Variants in TRIB2 observed in about 807,000 individuals in gnomAD.
The protein encoded by TRIB2 is tribbles homolog 2.
A neutral mutation model predicts 26.8 loss-of-function variants in TRIB2; 2 were observed. The ratio of observed to expected loss-of-function variants is 0.07; its 90% CI spans 0.03 to 0.24. The LOEUF (loss-of-function observed/expected upper bound fraction) is 0.24. Ranked by LOEUF, TRIB2 falls within the 10% of genes least tolerant of loss-of-function variation. The pLI is 1.00. For missense variants in TRIB2, 306 were observed against 449.0 expected, an observed-to-expected ratio of 0.68 and a Z score of 2.88; for synonymous variants, 189 against 187.3, an observed-to-expected ratio of 1.01 and a Z score of -0.08.
Position 12,723,350 on chromosome 2 carries a change from C to T in TRIB2, c.361C>T (p.Leu121=). The change falls in exon 2 of 3, where the codon CTG becomes TTG. Residue 121 remains leucine, a synonymous_variant. Transcript: ENST00000155926. ...CATCAACCAAATCACTGAAATTATC[C>T]TGGGTGAGACCAAAGCCTATGTGTT... is the stretch of plus-strand genomic sequence containing the variant. The part of the protein sequence containing the change: ...SNINQITEII[L]GETKAYVFFE... The T allele has an allele frequency of 6.2e-7, 1 of 1,614,232 alleles. No individual in the cohort carries two copies.
At chr2:12,723,860 C>A (rs1019641296) in intron 2 of TRIB2, among the ~76,000 whole-genome samples, 1 of 152,120 alleles carries the variant, frequency 6.6e-6, no homozygotes, top group Admixed American at 6.5e-5. Flanking sequence ...ATTTTCAATG[C>A]CAGTAAAGGC....
Position 12,734,970 on chromosome 2 carries a change from C to T in TRIB2, c.564-5356C>T, listed in dbSNP as rs80257530. Among the ~76,000 whole-genome samples the T allele has an allele frequency of 3.3e-3, 499 of 152,292 alleles. 5 individuals carry two copies. The highest frequency in any genetic ancestry group is 0.012 in the African/African-American group (478 of 41,560). ...GACTCCCCATACACATTCTTGAGAC[C>T]GTGACTGGCAGCCCTCTTTCCCAGA... On this transcript the variant is annotated intron_variant, in intron 2 of 2. Coordinates refer to ENST00000155926, the MANE Select transcript of TRIB2 (RefSeq NM_021643.4).
At chr2:12,738,122 A>C (rs934982129) in intron 2 of TRIB2, among the ~76,000 whole-genome samples, 2 of 152,204 alleles carry the variant, frequency 1.3e-5, no homozygotes, top group Non-Finnish European at 2.9e-5. Flanking sequence ...GGATTTCACT[A>C]AACCTTTTGC....
chr2:12,722,843 T>G (rs558798937), intron 1 of TRIB2, among the ~76,000 whole-genome samples: 1 of 152,352 alleles, frequency 6.6e-6, no homozygotes, highest in Admixed American at 6.5e-5. Context: ...TTTTTATTTT[T>G]GAAGGCAAAT....
rs373672540 is a variant in TRIB2 at position 12,731,398 on chromosome 2, C to A, written c.563+7846C>A. On this transcript the variant is annotated intron_variant, in intron 2 of 2. Transcript: ENST00000155926. ...ACTTGACCTGAAGCCCAGAAGGAAC[C>A]ATTGAAAGGTTTTTCTGGATGGCAG... Among the ~76,000 whole-genome samples, 82 of 152,240 alleles carry A rather than the reference C, an allele frequency of 5.4e-4. 2 individuals carry two copies. Among genetic ancestry groups the A allele is most frequent in the African/African-American group, 1.8e-3 (76 of 41,524 alleles).
In TRIB2 at chr2:12,718,613, G is replaced by A; in HGVS notation, c.270+36G>A. ...AGTGGGTTGCTTTTTGTCTTTGGAAGGGGCCCGAGGGAGCGGGAGGGCGCC... is the reference window on the plus strand; with the variant it reads ...AGTGGGTTGCTTTTTGTCTTTGGAAAGGGCCCGAGGGAGCGGGAGGGCGCC... On this transcript the variant is annotated intron_variant, in intron 1 of 2. Transcript: ENST00000155926. This position sits in a 1 kb window ranked among gnomAD's most constrained non-coding sequence, Gnocchi z 4.0. The A allele has an allele frequency of 6.3e-7, 1 of 1,596,474 alleles. No homozygotes were observed. Among genetic ancestry groups the A allele is most frequent in the Non-Finnish European group, 8.6e-7 (1 of 1,167,212 alleles).
At chr2:12,728,123 C>A (rs1385782837) in intron 2 of TRIB2, among the ~76,000 whole-genome samples, 3 of 152,028 alleles carry the variant, frequency 2.0e-5, no homozygotes, top group Non-Finnish European at 4.4e-5. Context: ...TAGGAATGGA[C>A]CTTGAAAAAT....
Position 12,732,008 on chromosome 2 carries a change from G to A in TRIB2, c.564-8318G>A, listed in dbSNP as rs1272897903. Among the ~76,000 whole-genome samples the A allele has an allele frequency of 2.6e-5, 4 of 152,222 alleles. No individual in the cohort carries two copies. The highest frequency in any genetic ancestry group is 5.9e-5 in the Non-Finnish European group (4 of 68,048). On this transcript the variant is annotated intron_variant, in intron 2 of 2. Transcript: ENST00000155926. The surrounding 1 kb of genome is among the most constrained non-coding windows in gnomAD (Gnocchi z 4.2). ...GAAAGTCTCAATGCAGGGAGTGAAT[G>A]GAGCATTGATGAGGAATTCCTGTCA...
In TRIB2 at chr2:12,723,423, A is replaced by G. The variant is rs757541368; in HGVS notation, c.434A>G (p.Lys145Arg). 6 of 1,614,234 alleles carry G rather than the reference A, an allele frequency of 3.7e-6. No individual in the cohort carries two copies. In the South Asian group the frequency reaches 5.5e-5, roughly 15 times the overall value. Residue 145 changes from lysine to arginine, a missense_variant, in exon 2 of 3, where the codon AAG (lysine) becomes AGG (arginine). Coordinates refer to ENST00000155926, the MANE Select transcript of TRIB2 (RefSeq NM_021643.4). ...ATGCATTCCTTCGTCCGCACCTGCAAGAAGCTGAGAGAGGAGGAGGCAGCC... is the reference window on the plus strand; with the variant it reads ...ATGCATTCCTTCGTCCGCACCTGCAGGAAGCTGAGAGAGGAGGAGGCAGCC... ...GDMHSFVRTCKKLREEEAARL... is the reference protein window; with the variant it reads ...GDMHSFVRTCRKLREEEAARL...
chr2:12,731,237 A>T (rs985670857), intron 2 of TRIB2, among the ~76,000 whole-genome samples: 2 of 152,054 alleles, frequency 1.3e-5, no homozygotes, highest in African/African-American at 4.8e-5. Flanking sequence ...AGGGATGGGG[A>T]GGTCCCAGAA....
chr2:12,721,126 G>A (rs1661207959), intron 1 of TRIB2, among the ~76,000 whole-genome samples: 1 of 152,034 alleles, frequency 6.6e-6, no homozygotes, highest in Non-Finnish European at 1.5e-5. Context: ...ATAAAAGTTT[G>A]GCTCCTTCTC....
In TRIB2 at chr2:12,718,281, T is replaced by G. The variant is rs1261431480; in HGVS notation, c.-27T>G. The G allele has an allele frequency of 3.1e-6, 5 of 1,591,468 alleles. No homozygotes were observed. The highest frequency in any genetic ancestry group is 4.3e-6 in the Non-Finnish European group (5 of 1,166,392). On this transcript the variant is annotated 5_prime_UTR_variant, in exon 1 of 3. Transcript: ENST00000155926. The surrounding 1 kb of genome is among the most constrained non-coding windows in gnomAD (Gnocchi z 4.0). ...CTCATCTCTCCAGCGGGTTTTTTTT[T>G]GTTTGTCGTGTGCGATCCTCACACT...
intron 2 of TRIB2, among the ~76,000 whole-genome samples, chr2:12,729,801 G>A (rs1661416287): frequency 6.6e-6 from 1 of 152,136 alleles, no homozygotes; most frequent in East Asian, 1.9e-4. Context: ...AGCAAACCAA[G>A]CAGAGGCACA....
chr2:12,725,200 C>T (rs1017656659), intron 2 of TRIB2, among the ~76,000 whole-genome samples: 8 of 152,190 alleles, frequency 5.3e-5, no homozygotes, highest in African/African-American at 1.7e-4. Context: ...TTTTAAGTGT[C>T]GTCTTTGATT....
At position 12,717,382 on chromosome 2, in the gene TRIB2, A is replaced by G; in HGVS notation, c.-926A>G. On this transcript the variant is annotated 5_prime_UTR_variant, in exon 1 of 3. Transcript: ENST00000155926. The surrounding 1 kb of genome is among the most constrained non-coding windows in gnomAD (Gnocchi z 4.8). The stretch of plus-strand genomic sequence containing the variant: ...GTGCCGGCGAAATCGGAGACCGCCG[A>G]TCTGTCCTCGTTCTCTCCTGCACGT... The G allele has an allele frequency of 2.5e-6, 1 of 398,430 alleles. No homozygotes were observed. The highest frequency in any genetic ancestry group is 4.4e-6 in the Non-Finnish European group (1 of 226,016). The allele number at this position is 398,430 out of a possible 1,614,324, so 24.7% of individuals were successfully genotyped here. A position where few individuals can be genotyped will look rare whatever the true frequency, so the allele number is the denominator to read the frequency against.
In TRIB2 at chr2:12,718,265, C is replaced by T. The variant is rs772378978; in HGVS notation, c.-43C>T. 3.1e-6 allele frequency: 5 copies of T among 1,590,586 alleles called. No individual in the cohort carries two copies. The South Asian group carries it at 4.5e-5, about 14-fold the overall frequency. On this transcript the variant is annotated 5_prime_UTR_variant, in exon 1 of 3. Transcript: ENST00000155926. The surrounding 1 kb of genome is among the most constrained non-coding windows in gnomAD (Gnocchi z 4.0). ...CCGCACTCGCCAGCGACTCATCTCT[C>T]CAGCGGGTTTTTTTTTGTTTGTCGT...
At chr2:12,730,172 C>T (rs1485535581) in intron 2 of TRIB2, among the ~76,000 whole-genome samples, 1 of 152,172 alleles carries the variant, frequency 6.6e-6, no homozygotes, top group Non-Finnish European at 1.5e-5. Context: ...ATGTGTTTTA[C>T]TCATAACATG....
In TRIB2 at chr2:12,740,125, T is replaced by C. The variant is rs567997842; in HGVS notation, c.564-201T>C. Among the ~76,000 whole-genome samples, 2 of 152,336 alleles carry C rather than the reference T, an allele frequency of 1.3e-5. No individual in the cohort carries two copies. The highest frequency in any genetic ancestry group is 1.9e-4 in the East Asian group (1 of 5,182). On this transcript the variant is annotated intron_variant, in intron 2 of 2. Coordinates refer to ENST00000155926, the MANE Select transcript of TRIB2 (RefSeq NM_021643.4). This position sits in a 1 kb window ranked among gnomAD's most constrained non-coding sequence, Gnocchi z 5.8. ...AGACCTTGTCAGTCTTGTTCACCCATGTGGGTGTCCTCAGCCCTGGAATAG... is the reference window on the plus strand; with the variant it reads ...AGACCTTGTCAGTCTTGTTCACCCACGTGGGTGTCCTCAGCCCTGGAATAG...
chr2:12,735,626 A>C (rs776364238), intron 2 of TRIB2, among the ~76,000 whole-genome samples: 2 of 152,180 alleles, frequency 1.3e-5, no homozygotes, highest in Non-Finnish European at 2.9e-5. Flanking sequence ...TAAAGAGACT[A>C]TATGTGTAAG....
Sources: allele counts gnomAD v4.1 joint callset (sites outside exome capture counted in the v4.1 genomes callset), GRCh38; gene constraint gnomAD v4.1.1; non-coding constraint Gnocchi (gnomAD v3.1); transcripts MANE v1.5; gene names NCBI Gene and HGNC (gene_info 2026-07-23, HGNC 2026-07-21).